WWC2: variants seen among roughly 807,000 people sequenced by gnomAD.
WWC2 encodes WW and C2 domain containing 2.
In WWC2, 101 loss-of-function variants were observed where a neutral mutation model predicts 138.5. That is an observed-to-expected ratio of 0.73 (90% CI 0.62 to 0.86). WWC2 has a LOEUF of 0.86. Ranked by LOEUF, WWC2 falls within the 40% of genes least tolerant of loss-of-function variation. WWC2 has a pLI of 0.00. For synonymous variants in WWC2, 558 were observed against 538.4 expected (o/e 1.04, Z -0.50); for missense variants, 1,420 against 1,419.4 (o/e 1.00, Z -0.01).
chr4:183,245,004 C>T (rs916906019), intron 5 of WWC2, among the ~76,000 whole-genome samples: 5 of 151,958 alleles, frequency 3.3e-5, no homozygotes, highest in African/African-American at 4.8e-5. Flanking sequence ...GGGGCTGAGA[C>T]GTGCGGATCA....
chr4:183,248,069 C>A (rs1736855074), intron 6 of WWC2, among the ~76,000 whole-genome samples: 2 of 152,042 alleles, frequency 1.3e-5, no homozygotes, highest in South Asian at 4.1e-4. Context: ...GTTTATTAAA[C>A]CTGAGTGCCC....
intron 21 of WWC2, among the ~76,000 whole-genome samples, chr4:183,298,830 T>C (rs915098432): frequency 6.6e-6 from 1 of 152,208 alleles, no homozygotes; most frequent in African/African-American, 2.4e-5. Context: ...AATTGAAGTC[T>C]GCATGGCCTA....
chr4:183,155,977 A>G (rs1175066168), intron 1 of WWC2, among the ~76,000 whole-genome samples: 4 of 152,136 alleles, frequency 2.6e-5, no homozygotes, highest in Admixed American at 2.6e-4. Flanking sequence ...TGATGTGATG[A>G]TGTCACTTGT....
chr4:183,254,945 A>G (rs1175402021), intron 9 of WWC2, among the ~76,000 whole-genome samples: 1 of 152,228 alleles, frequency 6.6e-6, no homozygotes, highest in African/African-American at 2.4e-5. Flanking sequence ...TGGCTACATA[A>G]TATCAAAACA....
intron 21 of WWC2, among the ~76,000 whole-genome samples, chr4:183,301,494 A>G (rs892521627): frequency 6.6e-5 from 10 of 152,244 alleles, no homozygotes; most frequent in African/African-American, 2.4e-4. Flanking sequence ...TGATGAAAAA[A>G]AATCAAAACT....
chr4:183,250,443 G>A (rs557681784), intron 8 of WWC2, among the ~76,000 whole-genome samples: 1 of 152,254 alleles, frequency 6.6e-6, no homozygotes, highest in African/African-American at 2.4e-5. Context: ...TGTCCTTGAA[G>A]GTGCTGAGGT....
intron 1 of WWC2, among the ~76,000 whole-genome samples, chr4:183,121,254 C>T (rs1002645774): frequency 4.0e-5 from 6 of 149,010 alleles, no homozygotes; most frequent in South Asian, 2.1e-4. Context: ...AAATTGTTGA[C>T]GTGTAATTTT....
At chr4:183,130,193 C>A (rs371988069) in intron 1 of WWC2, among the ~76,000 whole-genome samples, 83 of 152,102 alleles carry the variant, frequency 5.5e-4, no homozygotes, top group African/African-American at 1.9e-3. Context: ...GCTGGGACTA[C>A]AGGCGCCCGC....
At chr4:183,218,030 A>G (rs955287920) in intron 4 of WWC2, among the ~76,000 whole-genome samples, 1 of 152,194 alleles carries the variant, frequency 6.6e-6, no homozygotes, top group Non-Finnish European at 1.5e-5. Context: ...GTACAGTGGA[A>G]TAAAGATAAG....
chr4:183,274,336 A>T (rs967705699), intron 16 of WWC2, among the ~76,000 whole-genome samples: 1 of 152,236 alleles, frequency 6.6e-6, no homozygotes, highest in African/African-American at 2.4e-5. Context: ...TAACAGTTCT[A>T]AGTCTTCTGA....
intron 1 of WWC2, among the ~76,000 whole-genome samples, chr4:183,109,164 G>C (rs1213685256): frequency 6.6e-6 from 1 of 152,080 alleles, no homozygotes; most frequent in Admixed American, 6.6e-5. Context: ...TAGCCCTCCA[G>C]CTAAGAATGG....
At chr4:183,165,093 GA>G (rs1402198775) in intron 1 of WWC2, among the ~76,000 whole-genome samples, 1 of 152,100 alleles carries the variant, frequency 6.6e-6, no homozygotes, top group Non-Finnish European at 1.5e-5. Flanking sequence ...ATTTGTTTCA[GA>G]GTCTTGTATT....
chr4:183,212,695 G>A (rs2111248620), intron 4 of WWC2, among the ~76,000 whole-genome samples: 1 of 152,206 alleles, frequency 6.6e-6, no homozygotes, highest in South Asian at 2.1e-4. Context: ...CTGAGGGAGA[G>A]ATTTAGAAAC....
In WWC2 at chr4:183,318,700, A is replaced by G. The variant is rs1345961717; in HGVS notation, c.*2971A>G. The G allele has an allele frequency of 6.6e-6, 1 of 152,218 alleles. No individual in the cohort carries two copies. Among genetic ancestry groups the G allele is most frequent in the African/African-American group, 2.4e-5 (1 of 41,450 alleles). The allele number at this position is 152,218 out of a possible 1,614,324, so 9.4% of individuals were successfully genotyped here. A position where few individuals can be genotyped will look rare whatever the true frequency, so the allele number is the denominator to read the frequency against. ...TGTTGGAACTATATGTATTGCTGATAAAAAAGGACGAAGTATTTTCATTGA... is the reference window on the plus strand; with the variant it reads ...TGTTGGAACTATATGTATTGCTGATGAAAAAGGACGAAGTATTTTCATTGA... On this transcript the variant is annotated 3_prime_UTR_variant, in exon 23 of 23. Transcript: ENST00000403733.
At chr4:183,309,744 A>G (rs1321206003) in intron 21 of WWC2, among the ~76,000 whole-genome samples, 2 of 152,248 alleles carry the variant, frequency 1.3e-5, no homozygotes, top group Admixed American at 6.5e-5. Flanking sequence ...AAATTTACGT[A>G]CACATGAAAA....
At chr4:183,305,327 C>G (rs1738990375) in intron 21 of WWC2, among the ~76,000 whole-genome samples, 1 of 151,940 alleles carries the variant, frequency 6.6e-6, no homozygotes, top group Non-Finnish European at 1.5e-5. Context: ...GACAAGGGAA[C>G]AGAAGAAATA....
chr4:183,113,499 TGTGTGTGTGTGTGTGTG>T (rs1732307498), intron 1 of WWC2, among the ~76,000 whole-genome samples: 1 of 149,412 alleles, frequency 6.7e-6, no homozygotes, highest in African/African-American at 2.5e-5. Context: ...TGTGTGTGTG[TGTGTGTGTGTGTGTGTG>T]CGCGCGCGTG....
chr4:183,109,281 A>G (rs946654259), intron 1 of WWC2, among the ~76,000 whole-genome samples: 35 of 152,260 alleles, frequency 2.3e-4, no homozygotes, highest in African/African-American at 8.2e-4. Context: ...TTGGCCCTTT[A>G]CAGAAAGAGT....
At chr4:183,315,561 C>T in intron 22 of WWC2, 102 bp from the exon 23 acceptor site, 1 of 806,256 alleles carries the variant, frequency 1.2e-6, no homozygotes, top group Non-Finnish European at 2.0e-6. Flanking sequence ...CCTGTGCTTG[C>T]AGAGACATCA....
Sources: gnomAD v4.1 joint callset for allele counts (sites outside exome capture counted in the v4.1 genomes callset) on GRCh38, gnomAD v4.1.1 for gene constraint, MANE v1.5 for transcripts, NCBI Gene and HGNC (gene_info 2026-07-23, HGNC 2026-07-21) for gene names.